The following CMTM8 variants were observed in gnomAD, a reference collection of about 807,000 sequenced individuals.
CMTM8 encodes CKLF-like MARVEL transmembrane domain-containing protein 8.
A neutral mutation model predicts 18.6 loss-of-function variants in CMTM8; 12 were observed. The observed-to-expected ratio is 0.65, with a 90% CI of 0.41 to 1.05. The LOEUF (loss-of-function observed/expected upper bound fraction) is 1.05, where lower values mean the gene tolerates loss of function less well. CMTM8 is among the 50% of genes least tolerant of loss of function. The pLI, the probability that CMTM8 is intolerant of heterozygous loss-of-function variation, is 0.00. For synonymous variants in CMTM8, 87 were observed against 90.6 expected (o/e 0.96, Z 0.23); for missense variants, 217 against 227.2 (o/e 0.95, Z 0.29).
At chr3:32,307,059 T>G (rs1695728958) in intron 1 of CMTM8, among the ~76,000 whole-genome samples, 1 of 149,458 alleles carries the variant, frequency 6.7e-6, no homozygotes, top group Admixed American at 6.6e-5. Flanking sequence ...ATACAAAAAT[T>G]AGCTGGGCAT....
intron 1 of CMTM8, among the ~76,000 whole-genome samples, chr3:32,340,227 C>T (rs111823826): frequency 0.014 from 2,146 of 152,292 alleles, 36 homozygotes; most frequent in African/African-American, 0.049. Context: ...GATCTCTCGC[C>T]ATTCAACAGG....
chr3:32,248,364 A>G (rs187428467), intron 1 of CMTM8, among the ~76,000 whole-genome samples: 2 of 152,118 alleles, frequency 1.3e-5, no homozygotes, highest in South Asian at 2.1e-4. Flanking sequence ...ACTTTCATGT[A>G]TAAGCTTTTT....
chr3:32,259,485 A>G (rs1702224240), intron 1 of CMTM8: 2 of 779,912 alleles, frequency 2.6e-6, no homozygotes, highest in Admixed American at 1.7e-5. Context: ...AATGACATTC[A>G]TGGGCTCTTC....
intron 1 of CMTM8, among the ~76,000 whole-genome samples, chr3:32,354,449 G>C (rs539881292): frequency 6.6e-6 from 1 of 152,130 alleles, no homozygotes; most frequent in Non-Finnish European, 1.5e-5. Flanking sequence ...TTTGAAAGAC[G>C]GCTCAGTTAA....
At chr3:32,286,543 C>T (rs1702690059) in intron 1 of CMTM8, among the ~76,000 whole-genome samples, 1 of 152,174 alleles carries the variant, frequency 6.6e-6, no homozygotes, top group Non-Finnish European at 1.5e-5. Flanking sequence ...AGGAAGGCTG[C>T]TCCTGTGGCC....
chr3:32,353,818 T>C (rs1237949888), intron 1 of CMTM8, among the ~76,000 whole-genome samples: 1 of 140,962 alleles, frequency 7.1e-6, no homozygotes, highest in Non-Finnish European at 1.5e-5. Context: ...GGAGTCTCCC[T>C]CTGTCACCCA....
intron 1 of CMTM8, among the ~76,000 whole-genome samples, chr3:32,312,592 T>C (rs1422033646): frequency 6.6e-6 from 1 of 152,108 alleles, no homozygotes; most frequent in Non-Finnish European, 1.5e-5. Context: ...CTCACCAACC[T>C]TGAAGCTCTG....
intron 1 of CMTM8, among the ~76,000 whole-genome samples, chr3:32,305,592 A>G (rs1037689451): frequency 1.3e-5 from 2 of 152,196 alleles, no homozygotes; most frequent in Non-Finnish European, 2.9e-5. Flanking sequence ...TTATTCATCT[A>G]CGAGCCTTAA....
intron 1 of CMTM8, among the ~76,000 whole-genome samples, chr3:32,351,469 A>ATTATATGG (rs1203751883): frequency 1.3e-5 from 2 of 152,202 alleles, no homozygotes; most frequent in Non-Finnish European, 2.9e-5. Flanking sequence ...GCACTTTGGG[A>ATTATATGG]GACCATGGCA....
At chr3:32,318,046 ACT>A (rs1349079641) in intron 1 of CMTM8, among the ~76,000 whole-genome samples, 1 of 136,936 alleles carries the variant, frequency 7.3e-6, no homozygotes, top group Non-Finnish European at 1.6e-5. Flanking sequence ...CAAGAACGAA[ACT>A]CTGTCTCAAA....
chr3:32,255,292 G>A (rs955803672), intron 1 of CMTM8, among the ~76,000 whole-genome samples: 4 of 152,116 alleles, frequency 2.6e-5, no homozygotes, highest in African/African-American at 9.7e-5. Context: ...TGTTAAGAGT[G>A]GAACCGCTAT....
At chr3:32,352,865 C>T (rs1696738598) in intron 1 of CMTM8, among the ~76,000 whole-genome samples, 1 of 86,062 alleles carries the variant, frequency 1.2e-5, no homozygotes, top group Non-Finnish European at 2.4e-5. Context: ...AAAGTTAAAA[C>T]ATAGGTTCTG....
At chr3:32,280,127 T>C (rs951477031) in intron 1 of CMTM8, among the ~76,000 whole-genome samples, 1 of 152,144 alleles carries the variant, frequency 6.6e-6, no homozygotes, top group Admixed American at 6.5e-5. Flanking sequence ...AAGTCCCTGA[T>C]TGACCTAGCT....
intron 1 of CMTM8, among the ~76,000 whole-genome samples, chr3:32,281,254 C>A (rs1364879680): frequency 6.6e-6 from 1 of 152,168 alleles, no homozygotes; most frequent in Non-Finnish European, 1.5e-5. Flanking sequence ...ATTTCTCTTA[C>A]CCATCAAAAG....
At chr3:32,268,036 C>T (rs1338282063) in intron 1 of CMTM8, among the ~76,000 whole-genome samples, 3 of 152,144 alleles carry the variant, frequency 2.0e-5, no homozygotes, top group Non-Finnish European at 4.4e-5. Context: ...GTCAATGTGG[C>T]GATTCCTCAA....
chr3:32,344,908 C>A (rs537191443), intron 1 of CMTM8, among the ~76,000 whole-genome samples: 1 of 151,904 alleles, frequency 6.6e-6, no homozygotes, highest in South Asian at 2.1e-4. Context: ...AACAAAAAAC[C>A]TGACATTTGT....
At chr3:32,314,219 G>A (rs2125572043) in intron 1 of CMTM8, among the ~76,000 whole-genome samples, 1 of 152,338 alleles carries the variant, frequency 6.6e-6, no homozygotes, top group South Asian at 2.1e-4. Flanking sequence ...AGCAGTGTGA[G>A]TTAAGAAAAG....
intron 1 of CMTM8, among the ~76,000 whole-genome samples, chr3:32,243,150 C>G (rs188492866): frequency 3.2e-4 from 49 of 152,102 alleles, no homozygotes; most frequent in Admixed American, 2.2e-3. Context: ...GTCTCAGCCT[C>G]CCAAAGTGCT....
chr3:32,320,125 G>A (rs1021042174), intron 1 of CMTM8, among the ~76,000 whole-genome samples: 5 of 152,148 alleles, frequency 3.3e-5, no homozygotes, highest in African/African-American at 1.2e-4. Context: ...ATTTGAAAGC[G>A]TATTTGGTTT....
Sources: gnomAD v4.1 joint callset for allele counts (sites outside exome capture counted in the v4.1 genomes callset) on GRCh38, gnomAD v4.1.1 for gene constraint, MANE v1.5 for transcripts, NCBI Gene and HGNC (gene_info 2026-07-23, HGNC 2026-07-21) for gene names.